TRIO: variants seen among roughly 807,000 people sequenced by gnomAD.
TRIO encodes triple functional domain protein.
Under a neutral mutation model 351.9 loss-of-function variants are expected in TRIO, and 58 were observed. The ratio of observed to expected loss-of-function variants is 0.16; its 90% CI spans 0.13 to 0.21. The LOEUF is 0.21. TRIO is among the 10% of genes least tolerant of loss of function. The pLI is 1.00. For synonymous variants in TRIO, 1,758 were observed against 1,595.7 expected (o/e 1.10, Z -2.42); for missense variants, 3,201 against 4,027.8 (o/e 0.79, Z 5.56).
chr5:14,501,596 A>T (rs1235748115), intron 53 of TRIO, among the ~76,000 whole-genome samples: 2 of 152,240 alleles, frequency 1.3e-5, no homozygotes, highest in Non-Finnish European at 2.9e-5. Flanking sequence ...CAGGGAAGGC[A>T]CATGGAGGAG....
rs944775553 is a variant in TRIO, at chr5:14,502,629, T to A, written c.8383T>A (p.Phe2795Ile). Reference sequence around the variant, plus strand: ...GACCTGGAAAGACAACTTTGACTCCTTCTACAGTGAAGTGGCTGAGCTTGG... The same window carrying A: ...GACCTGGAAAGACAACTTTGACTCCATCTACAGTGAAGTGGCTGAGCTTGG... ...MVTWKDNFDS[F>I]YSEVAELGRG... The change falls in exon 54 of 57, where the codon TTC (phenylalanine) becomes ATC (isoleucine). Residue 2795 changes from phenylalanine to isoleucine, a missense_variant. Phe to Ile is a conservative substitution (Grantham distance 21). Transcript: ENST00000344204. The A allele has an allele frequency of 2.5e-6, 4 of 1,614,078 alleles. No individual in the cohort carries two copies. Among genetic ancestry groups the A allele is most frequent in the Admixed American group, 1.7e-5 (1 of 60,008 alleles).
At chr5:14,377,764 C>A (rs1014079355) in intron 19 of TRIO, among the ~76,000 whole-genome samples, 3 of 152,048 alleles carry the variant, frequency 2.0e-5, no homozygotes, top group African/African-American at 7.2e-5. Context: ...ATCCATCCAG[C>A]CGGAGGTATT....
chr5:14,216,562 C>T lies in TRIO; in HGVS notation c.158-54263C>T, dbSNP rs139242544. On this transcript the variant is annotated intron_variant, in intron 1 of 56. Transcript: ENST00000344204. ...TCTTAGAAATAACTTGTGGTCTGTTCTCATAATACTGACATCAAGGTGTCG... is the reference window on the plus strand; with the variant it reads ...TCTTAGAAATAACTTGTGGTCTGTTTTCATAATACTGACATCAAGGTGTCG... Among the ~76,000 whole-genome samples, 900 of 152,286 alleles carry T rather than the reference C, an allele frequency of 5.9e-3. 17 individuals are homozygous for T. The highest frequency in any genetic ancestry group is 0.021 in the African/African-American group (855 of 41,548).
chr5:14,423,550 CT>C (rs1750357324), intron 34 of TRIO, among the ~76,000 whole-genome samples: 1 of 152,208 alleles, frequency 6.6e-6, no homozygotes, highest in Non-Finnish European at 1.5e-5. Context: ...CGCTGCCCTG[CT>C]TTTTTCACCT....
chr5:14,380,819 A>G (rs1746036122), intron 20 of TRIO, among the ~76,000 whole-genome samples: 1 of 152,218 alleles, frequency 6.6e-6, no homozygotes, highest in Admixed American at 6.5e-5. Flanking sequence ...AACCAACCCA[A>G]ATGCCCATCA....
At chr5:14,351,975 G>T (rs1458002288) in intron 11 of TRIO, among the ~76,000 whole-genome samples, 2 of 152,222 alleles carry the variant, frequency 1.3e-5, no homozygotes, top group Admixed American at 6.5e-5. Context: ...GTGAGGAGGG[G>T]CCTTTTCATC....
rs530064909 is a variant in TRIO, at chr5:14,172,041, T to G, written c.157+28159T>G. The stretch of plus-strand genomic sequence containing the variant: ...TTGAGTAGTGCATTGAGCATCTGAA[T>G]ACCCTTCCCTTCAATTCACTGTTAA... On this transcript the variant is annotated intron_variant, in intron 1 of 56. Coordinates refer to ENST00000344204, the MANE Select transcript of TRIO (RefSeq NM_007118.4). 3.0e-4 allele frequency among the ~76,000 whole-genome samples: 45 copies of G among 152,370 alleles called. No homozygotes were observed. In the Middle Eastern group the frequency reaches 0.01, roughly 35 times the overall value.
chr5:14,437,425 T>C (rs1034517441), intron 34 of TRIO, among the ~76,000 whole-genome samples: 2 of 152,200 alleles, frequency 1.3e-5, no homozygotes, highest in Non-Finnish European at 2.9e-5. Context: ...TTATATTCCA[T>C]TTGGAGTATA....
At chr5:14,145,619 A>G (rs893196006) in intron 1 of TRIO, among the ~76,000 whole-genome samples, 4 of 151,464 alleles carry the variant, frequency 2.6e-5, no homozygotes, top group African/African-American at 7.3e-5. Flanking sequence ...CTCTCTACCT[A>G]CCTGTCACAG....
chr5:14,392,005 C>A (rs1310346069), intron 27 of TRIO, among the ~76,000 whole-genome samples: 1 of 152,110 alleles, frequency 6.6e-6, no homozygotes, highest in Admixed American at 6.5e-5. Context: ...AAATTCAGCA[C>A]CTGTATATGG....
At chr5:14,404,029 T>G (rs896821469) in intron 31 of TRIO, among the ~76,000 whole-genome samples, 114 of 71,850 alleles carry the variant, frequency 1.6e-3, no homozygotes, top group South Asian at 2.3e-3. Context: ...GGGTGTAGGT[T>G]GTGGTGGTGA....
intron 21 of TRIO, among the ~76,000 whole-genome samples, chr5:14,385,018 A>G (rs960934858): frequency 1.3e-5 from 2 of 152,236 alleles, no homozygotes; most frequent in Non-Finnish European, 2.9e-5. Flanking sequence ...TTTACTTAAT[A>G]TAAGAAAAGC....
chr5:14,187,571 A>G (rs1007164087), intron 1 of TRIO, among the ~76,000 whole-genome samples: 1 of 152,184 alleles, frequency 6.6e-6, no homozygotes, highest in African/African-American at 2.4e-5. Context: ...AGGCCATCCT[A>G]TTTAATCTAA....
At chr5:14,480,168 G>A (rs570899742) in intron 43 of TRIO, among the ~76,000 whole-genome samples, 157 bp downstream of exon 43, 1 of 141,574 alleles carries the variant, frequency 7.1e-6, no homozygotes, top group African/African-American at 2.7e-5. Context: ...TAAATCAGCT[G>A]TTAACTGAAG....
intron 1 of TRIO, among the ~76,000 whole-genome samples, chr5:14,201,614 TC>T (rs1447117063): frequency 1.1e-4 from 17 of 152,182 alleles, no homozygotes; most frequent in Admixed American, 1.0e-3. Flanking sequence ...TCTAAGATGA[TC>T]CTGTATCTGG....
chr5:14,432,432 C>T (rs1383169114), intron 34 of TRIO, among the ~76,000 whole-genome samples: 2 of 152,220 alleles, frequency 1.3e-5, no homozygotes, highest in Non-Finnish European at 2.9e-5. Context: ...AGAGCTAATT[C>T]TAGAACCTGG....
chr5:14,465,871 A>G (rs1030772222), intron 37 of TRIO: 16 of 535,466 alleles, frequency 3.0e-5, no homozygotes, highest in African/African-American at 2.9e-4. Context: ...AAGGACACAG[A>G]TCAAAATAGG....
At chr5:14,384,611 CTCA>C (rs541599516) in intron 21 of TRIO, among the ~76,000 whole-genome samples, 319 of 151,686 alleles carry the variant, frequency 2.1e-3, no homozygotes, top group African/African-American at 7.3e-3. Flanking sequence ...GGATTTATAT[CTCA>C]CCTTGATACC....
intron 1 of TRIO, among the ~76,000 whole-genome samples, chr5:14,180,492 T>C (rs1360977673): frequency 6.6e-6 from 1 of 152,230 alleles, no homozygotes; most frequent in Non-Finnish European, 1.5e-5. Flanking sequence ...CATTTTTAAC[T>C]TAAATAAAAA....
Sources: gnomAD v4.1 joint callset for allele counts (sites outside exome capture counted in the v4.1 genomes callset) on GRCh38, gnomAD v4.1.1 for gene constraint, MANE v1.5 for transcripts, NCBI Gene and HGNC (gene_info 2026-07-23, HGNC 2026-07-21) for gene names.